Variants in RABGAP1L observed in about 807,000 individuals in gnomAD.
The protein encoded by RABGAP1L is RAB GTPase activating protein 1 like, also known as rab GTPase-activating protein 1-like.
RABGAP1L carries 63 observed loss-of-function variants against 137.7 expected under a neutral mutation model. The observed-to-expected ratio is 0.46, with a 90% CI of 0.37 to 0.56. RABGAP1L has a LOEUF of 0.56. Ranked by LOEUF, RABGAP1L falls within the 20% of genes least tolerant of loss-of-function variation. The pLI, the probability that RABGAP1L is intolerant of heterozygous loss-of-function variation, is 0.00. For synonymous variants in RABGAP1L, 431 were observed against 433.7 expected, an observed-to-expected ratio of 0.99 and a Z score of 0.08; for missense variants, 1,095 against 1,244.0, an observed-to-expected ratio of 0.88 and a Z score of 1.80.
At chr1:174,666,743 C>T (rs1253380741) in intron 14 of RABGAP1L, among the ~76,000 whole-genome samples, 1 of 152,072 alleles carries the variant, frequency 6.6e-6, no homozygotes, top group Non-Finnish European at 1.5e-5. Context: ...GAAATACCAT[C>T]CTGTATTTCT....
chr1:174,279,467 C>A (rs1675302464), intron 10 of RABGAP1L, among the ~76,000 whole-genome samples: 1 of 152,000 alleles, frequency 6.6e-6, no homozygotes, highest in African/African-American at 2.4e-5. Flanking sequence ...CTTTCATTCT[C>A]CCAAGTTTTA....
chr1:174,283,288 C>T (rs375016897), intron 10 of RABGAP1L, among the ~76,000 whole-genome samples: 1 of 151,208 alleles, frequency 6.6e-6, no homozygotes, highest in East Asian at 2.0e-4. Flanking sequence ...CACCTGTGGT[C>T]CCAGCTTCTC....
chr1:174,870,253 A>G lies in RABGAP1L; in HGVS notation c.2340+58293A>G, dbSNP rs112937627. The stretch of plus-strand genomic sequence containing the variant: ...ATCAGTTTACCACTCTGGTCATTCT[A>G]AATTATTTTTTCCCTGTAAAAAATT... On this transcript the variant is annotated intron_variant, in intron 19 of 25. Transcript: ENST00000681986. Among the ~76,000 whole-genome samples, 212 of 152,312 alleles carry G rather than the reference A, an allele frequency of 1.4e-3. 1 individual carries two copies. The highest frequency in any genetic ancestry group is 2.1e-3 in the Non-Finnish European group (143 of 68,028).
At chr1:174,653,809 A>C (rs548807444) in intron 14 of RABGAP1L, among the ~76,000 whole-genome samples, 1 of 152,258 alleles carries the variant, frequency 6.6e-6, no homozygotes, top group Admixed American at 6.5e-5. Context: ...GGAAGAAGCT[A>C]TCTCATATTT....
chr1:174,628,614 CT>C (rs1673094012), intron 13 of RABGAP1L, among the ~76,000 whole-genome samples: 1 of 152,114 alleles, frequency 6.6e-6, no homozygotes, highest in African/African-American at 2.4e-5. Context: ...AATAACTTGT[CT>C]GAGATCCTAT....
At chr1:174,530,761 G>C (rs1664319880) in intron 13 of RABGAP1L, among the ~76,000 whole-genome samples, 1 of 152,008 alleles carries the variant, frequency 6.6e-6, no homozygotes, top group Non-Finnish European at 1.5e-5. Context: ...AGTGGAGGAA[G>C]CAAGTAAGAC....
intron 13 of RABGAP1L, among the ~76,000 whole-genome samples, chr1:174,526,886 G>A (rs569805042): frequency 6.6e-6 from 1 of 151,854 alleles, no homozygotes; most frequent in South Asian, 2.1e-4. Flanking sequence ...GTTTGTTCTT[G>A]CTCTTCTAGT....
chr1:174,252,974 C>A (rs908905850), intron 7 of RABGAP1L, among the ~76,000 whole-genome samples: 3 of 152,002 alleles, frequency 2.0e-5, no homozygotes, highest in Non-Finnish European at 4.4e-5. Flanking sequence ...TATATAAATA[C>A]ATACACATAT....
chr1:174,684,273 T>C (rs1421198560), intron 15 of RABGAP1L, among the ~76,000 whole-genome samples: 1 of 152,174 alleles, frequency 6.6e-6, no homozygotes, highest in African/African-American at 2.4e-5. Flanking sequence ...GCCAGAACTT[T>C]CAGAAAAGAC....
chr1:174,668,124 A>C (rs973882847), intron 14 of RABGAP1L, among the ~76,000 whole-genome samples: 1 of 152,198 alleles, frequency 6.6e-6, no homozygotes, highest in Non-Finnish European at 1.5e-5. Context: ...TGCCACCTAG[A>C]TTCTAGAATT....
chr1:174,441,080 A>G (rs999807743), intron 13 of RABGAP1L, among the ~76,000 whole-genome samples: 3 of 150,066 alleles, frequency 2.0e-5, no homozygotes, highest in Non-Finnish European at 3.0e-5. Context: ...AGAATAAAAC[A>G]TATCCAATAT....
chr1:174,220,904 T>G (rs979236457), intron 2 of RABGAP1L, 68 bp from the exon 3 acceptor site: 2 of 1,293,442 alleles, frequency 1.5e-6, no homozygotes, highest in Admixed American at 2.6e-5. Flanking sequence ...AGAAATGAAA[T>G]ACTTTCATAA....
intron 11 of RABGAP1L, among the ~76,000 whole-genome samples, chr1:174,361,949 G>A (rs1304166980): frequency 1.3e-5 from 2 of 151,994 alleles, no homozygotes; most frequent in African/African-American, 2.4e-5. Context: ...TCAGCCATCC[G>A]ATAGACCCTA....
At position 174,956,868 on chromosome 1, in the gene RABGAP1L, G is replaced by A. The variant is rs974774356; in HGVS notation, c.2341-589G>A. 2.0e-5 allele frequency among the ~76,000 whole-genome samples: 3 copies of A among 151,922 alleles called. No individual in the cohort carries two copies. The East Asian group carries it at 5.8e-4, about 29-fold the overall frequency. The stretch of plus-strand genomic sequence containing the variant: ...TCACCATGTTGGCCAGGCTGGTCTC[G>A]AACTCCTGACCTCAAGTGATCCGCC... On this transcript the variant is annotated intron_variant, in intron 19 of 25. Coordinates refer to ENST00000681986, the MANE Select transcript of RABGAP1L (RefSeq NM_001366446.1).
chr1:174,287,900 CCTTT>C (rs781773704), intron 10 of RABGAP1L, among the ~76,000 whole-genome samples: 5 of 151,874 alleles, frequency 3.3e-5, no homozygotes, highest in Non-Finnish European at 5.9e-5. Flanking sequence ...GTCCTTTGTT[CCTTT>C]CTTTCTCTTT....
At chr1:174,848,548 G>C (rs1647488482) in intron 19 of RABGAP1L, among the ~76,000 whole-genome samples, 1 of 148,902 alleles carries the variant, frequency 6.7e-6, no homozygotes, top group African/African-American at 2.5e-5. Context: ...TCGGGGGTCA[G>C]GGGTCAGGGA....
chr1:174,329,540 A>G (rs995108693), intron 11 of RABGAP1L, among the ~76,000 whole-genome samples: 4 of 152,182 alleles, frequency 2.6e-5, no homozygotes, highest in Non-Finnish European at 4.4e-5. Flanking sequence ...AGAGAAAACT[A>G]CAGACTGGTT....
intron 13 of RABGAP1L, among the ~76,000 whole-genome samples, chr1:174,394,474 A>G (rs2149084881): frequency 6.6e-6 from 1 of 152,312 alleles, no homozygotes; most frequent in Non-Finnish European, 1.5e-5. Context: ...TATAGTTATA[A>G]TCATACATAG....
chr1:174,826,643 T>G (rs1442201542), intron 19 of RABGAP1L, among the ~76,000 whole-genome samples: 1 of 152,224 alleles, frequency 6.6e-6, no homozygotes, highest in Non-Finnish European at 1.5e-5. Flanking sequence ...GAACAATTTA[T>G]TTTCCTCTGC....
Sources: gnomAD v4.1 joint callset for allele counts (sites outside exome capture counted in the v4.1 genomes callset) on GRCh38, gnomAD v4.1.1 for gene constraint, MANE v1.5 for transcripts, NCBI Gene and HGNC (gene_info 2026-07-23, HGNC 2026-07-21) for gene names.